Variants in ACER3 observed in about 807,000 individuals in gnomAD.
ACER3 encodes the protein alkaline ceramidase 3, also known as alkCDase 3.
In ACER3, 16 loss-of-function variants were observed where a neutral mutation model predicts 48.9. The ratio of observed to expected loss-of-function variants is 0.33; its 90% CI spans 0.22 to 0.50. The LOEUF (loss-of-function observed/expected upper bound fraction) is 0.50. Among genes scored for constraint, ACER3 ranks in the 20% least tolerant of loss-of-function variants. The probability of loss-of-function intolerance (pLI) is 0.98; values close to 1 mark genes in which losing one functional copy is unlikely to be tolerated. For synonymous variants in ACER3, 109 were observed against 107.8 expected (o/e 1.01, Z -0.07); for missense variants, 227 against 326.0 (o/e 0.70, Z 2.34).
intron 1 of ACER3, among the ~76,000 whole-genome samples, chr11:76,876,579 G>T (rs1236702122): frequency 6.6e-6 from 1 of 152,152 alleles, no homozygotes; most frequent in Non-Finnish European, 1.5e-5. Flanking sequence ...CTTAGGATTG[G>T]AATAATTGGG....
intron 1 of ACER3, among the ~76,000 whole-genome samples, chr11:76,890,551 G>T (rs1190159600): frequency 6.6e-6 from 1 of 152,154 alleles, no homozygotes; most frequent in Non-Finnish European, 1.5e-5. Context: ...TGCGCATATT[G>T]TTCATGATAG....
intron 1 of ACER3, among the ~76,000 whole-genome samples, chr11:76,926,112 C>A (rs961341301): frequency 6.6e-6 from 1 of 152,162 alleles, no homozygotes; most frequent in Admixed American, 6.5e-5. Context: ...TAAAGAGACA[C>A]ACAAAATGTA....
At chr11:76,947,542 T>A (rs1198164389) in intron 2 of ACER3, among the ~76,000 whole-genome samples, 3 of 152,240 alleles carry the variant, frequency 2.0e-5, no homozygotes, top group African/African-American at 7.2e-5. Flanking sequence ...ACTTTTAAAT[T>A]GTAGCAATTA....
At chr11:76,993,669 G>T (rs1948849391) in intron 6 of ACER3, among the ~76,000 whole-genome samples, 1 of 152,192 alleles carries the variant, frequency 6.6e-6, no homozygotes, top group South Asian at 2.1e-4. Context: ...TTTGGCACCA[G>T]AGACCGGTTT....
At chr11:76,970,582 A>G (rs1374952479) in intron 3 of ACER3, among the ~76,000 whole-genome samples, 2 of 152,142 alleles carry the variant, frequency 1.3e-5, no homozygotes, top group Admixed American at 1.3e-4. Flanking sequence ...TTATTGAGAC[A>G]CTTAAAAAAA....
intron 1 of ACER3, among the ~76,000 whole-genome samples, chr11:76,884,110 C>T (rs918267406): frequency 6.6e-6 from 1 of 152,164 alleles, no homozygotes; most frequent in South Asian, 2.1e-4. Context: ...GTAGTTATTT[C>T]TTCCCCTATT....
chr11:76,889,348 A>G (rs1260305020), intron 1 of ACER3, among the ~76,000 whole-genome samples: 1 of 151,820 alleles, frequency 6.6e-6, no homozygotes, highest in African/African-American at 2.4e-5. Context: ...TAAAAATATT[A>G]TGTGTTAAAT....
intron 1 of ACER3, among the ~76,000 whole-genome samples, chr11:76,880,524 C>T (rs1183796033): frequency 1.3e-5 from 2 of 152,234 alleles, no homozygotes; most frequent in East Asian, 3.8e-4. Flanking sequence ...CTTCCCATGC[C>T]AGTCGGAAGC....
chr11:76,893,787 A>T (rs1165676024), intron 1 of ACER3, among the ~76,000 whole-genome samples: 1 of 152,266 alleles, frequency 6.6e-6, no homozygotes, highest in East Asian at 1.9e-4. Context: ...GTAACATCAG[A>T]TAATGCAATT....
chr11:76,890,540 G>A (rs1475543645), intron 1 of ACER3, among the ~76,000 whole-genome samples: 2 of 152,116 alleles, frequency 1.3e-5, no homozygotes, highest in Admixed American at 6.5e-5. Context: ...CACATAACTA[G>A]TGCGCATATT....
intron 1 of ACER3, among the ~76,000 whole-genome samples, chr11:76,914,144 GACTTCATGTCTAAAAC>G (rs1172899497): frequency 6.6e-6 from 1 of 152,146 alleles, no homozygotes; most frequent in Non-Finnish European, 1.5e-5. Flanking sequence ...CATGGGCAAG[GACTTCATGTCTAAAAC>G]ACCAAAAGCA....
At chr11:76,938,822 A>G (rs1268030111) in intron 2 of ACER3, among the ~76,000 whole-genome samples, 3 of 151,596 alleles carry the variant, frequency 2.0e-5, no homozygotes, top group Non-Finnish European at 4.4e-5. Context: ...AGCAATGAAC[A>G]TACCTATTAA....
intron 3 of ACER3, among the ~76,000 whole-genome samples, chr11:76,966,954 A>G (rs370057822): frequency 3.3e-5 from 5 of 151,966 alleles, no homozygotes; most frequent in South Asian, 2.1e-4. Flanking sequence ...AAATAACTAA[A>G]ATCAGAGCAG....
chr11:76,938,613 C>G (rs1011290682), intron 2 of ACER3, among the ~76,000 whole-genome samples: 1 of 152,188 alleles, frequency 6.6e-6, no homozygotes, highest in African/African-American at 2.4e-5. Context: ...GCCAGCATGT[C>G]TGGCCTTGAA....
chr11:76,959,797 G>T (rs980582808), intron 3 of ACER3, among the ~76,000 whole-genome samples: 2 of 151,642 alleles, frequency 1.3e-5, no homozygotes, highest in Non-Finnish European at 2.9e-5. Context: ...CAGGTGATCC[G>T]CCTGCCTCAG....
rs1949399861 is a variant in ACER3, at chr11:77,017,856, CTG to C, written c.704+1081_704+1082del. Among the ~76,000 whole-genome samples, 3 of 149,364 alleles carry C rather than the reference CTG, an allele frequency of 2.0e-5. No homozygotes were observed. The South Asian group carries it at 6.4e-4, about 32-fold the overall frequency. Reference sequence around the variant, plus strand: ...AGCAGCATGTGCTCACTTCATGTTTCTGTGTCTTATTTTTGTAATTCTGACAA... The same window carrying C: ...AGCAGCATGTGCTCACTTCATGTTTCTGTCTTATTTTTGTAATTCTGACAA... On this transcript the variant is annotated intron_variant, in intron 9 of 10. Transcript: ENST00000532485.
At chr11:76,888,689 A>G (rs1303603128) in intron 1 of ACER3, among the ~76,000 whole-genome samples, 2 of 146,454 alleles carry the variant, frequency 1.4e-5, no homozygotes, top group African/African-American at 2.4e-5. Context: ...AGACCACAAC[A>G]TAGTAGCTTG....
intron 2 of ACER3, chr11:76,957,544 C>T (rs1343983818): frequency 1.6e-5 from 7 of 429,870 alleles, no homozygotes; most frequent in South Asian, 3.3e-5. Context: ...CCCAGGTTTA[C>T]GCGATCCTTC....
chr11:76,935,574 A>C (rs1414297694), intron 2 of ACER3, among the ~76,000 whole-genome samples: 2 of 152,216 alleles, frequency 1.3e-5, no homozygotes, highest in Non-Finnish European at 2.9e-5. Context: ...ATACCAGTGG[A>C]GCAGCATTTT....
Sources: gnomAD v4.1 joint callset for allele counts (sites outside exome capture counted in the v4.1 genomes callset) on GRCh38, gnomAD v4.1.1 for gene constraint, MANE v1.5 for transcripts, NCBI Gene and HGNC (gene_info 2026-07-23, HGNC 2026-07-21) for gene names.